The following ANK1 variants were observed in gnomAD, a reference collection of about 807,000 sequenced individuals.
The protein encoded by ANK1 is ankyrin-1.
In ANK1, 51 loss-of-function variants were observed where a neutral mutation model predicts 210.4. The observed-to-expected ratio is 0.24, with a 90% CI of 0.19 to 0.31. The LOEUF is 0.31. ANK1 is among the 10% of genes least tolerant of loss of function. ANK1 has a pLI of 1.00. For missense variants in ANK1, 2,051 were observed against 2,504.4 expected (o/e 0.82, Z 3.86); for synonymous variants, 967 against 1,025.9 (o/e 0.94, Z 1.10).
intron 3 of ANK1, 120 bp downstream of exon 3, chr8:41,733,851 G>T: frequency 1.2e-6 from 1 of 843,308 alleles, no homozygotes; most frequent in Non-Finnish European, 2.0e-6. Flanking sequence ...AAAAGTGATT[G>T]GAAGGATAAG....
intron 37 of ANK1, among the ~76,000 whole-genome samples, chr8:41,674,195 A>G (rs150447061): frequency 6.6e-6 from 1 of 152,224 alleles, no homozygotes; most frequent in East Asian, 1.9e-4. Context: ...TTACATCACT[A>G]GCTCCATTTA....
At chr8:41,815,000 A>G (rs1803093028) in intron 1 of ANK1, among the ~76,000 whole-genome samples, 1 of 152,164 alleles carries the variant, frequency 6.6e-6, no homozygotes. Flanking sequence ...CATCTGAGAA[A>G]TCCCGAAGTT....
rs1021561338 is a variant in ANK1, at chr8:41,715,952, C to T, written c.1405-103G>A. The T allele has an allele frequency of 4.4e-6, 6 of 1,370,132 alleles. No homozygotes were observed. In the Admixed American group the frequency reaches 1.2e-4, roughly 26 times the overall value. 84.9% of individuals were successfully genotyped at this position (1,370,132 alleles called of 1,614,324 possible). On this transcript the variant is annotated intron_variant, in intron 13 of 42. Coordinates refer to ENST00000289734, the MANE Select transcript of ANK1 (RefSeq NM_000037.4). ...GGCAGGGCCCAGAGAGGGCAAGTGA[C>T]CTTCTCAAGGTCACACAGCTAAGAA... is the stretch of plus-strand genomic sequence containing the variant.
intron 20 of ANK1, among the ~76,000 whole-genome samples, chr8:41,702,633 T>C (rs1823176751): frequency 6.6e-6 from 1 of 152,214 alleles, no homozygotes. Context: ...AAATCACAAA[T>C]CACCAGAAAT....
intron 16 of ANK1, among the ~76,000 whole-genome samples, chr8:41,710,845 G>A (rs1347755406): frequency 6.6e-6 from 1 of 152,248 alleles, no homozygotes; most frequent in East Asian, 1.9e-4. Flanking sequence ...GGCTGGCCAA[G>A]GCAGTCAAAG....
chr8:41,714,250 C>T lies in ANK1; in HGVS notation c.1706G>A (p.Gly569Asp). Residue 569 changes from glycine to aspartate, a missense_variant, in exon 16 of 43, where the codon GGC (glycine) becomes GAC (aspartate). Around this residue, in one of 6 missense-constraint regions of ANK1, gnomAD observed 1,413 missense variants for 1,707.4 expected, o/e 0.83. Coordinates refer to ENST00000289734, the MANE Select transcript of ANK1 (RefSeq NM_000037.4). ...DAHPNAAGKN[G>D]LTPLHVAVHH... ...GACGGCCACGTGCAGGGGGGTCAGG[C>T]CATTCTGCAGGGGACAAAGACAAAA... The T allele has an allele frequency of 6.4e-7, 1 of 1,554,694 alleles. No homozygotes were observed.
intron 1 of ANK1, among the ~76,000 whole-genome samples, chr8:41,878,926 G>A (rs1405241461): frequency 2.0e-5 from 3 of 152,136 alleles, no homozygotes; most frequent in Non-Finnish European, 4.4e-5. Context: ...AGCCAGGCAT[G>A]GTGGTAGACG....
Position 41,719,664 on chromosome 8 carries a change from G to A in ANK1, c.1104C>T (p.Ala368=). Residue 368 remains alanine (A), a synonymous_variant, in exon 10 of 43, where the codon GCC becomes GCT. Coordinates refer to ENST00000289734, the MANE Select transcript of ANK1 (RefSeq NM_000037.4). ...CTCCAGCAGCACCCCCACTCACCAG[G>A]GCTCTGGAGTTGGGTTTGGCCCCTT... is the stretch of plus-strand genomic sequence containing the variant. The part of the protein sequence containing the change: ...LDKGAKPNSR[A]LNGFTPLHIA... 1 of 1,614,188 alleles carries A rather than the reference G, an allele frequency of 6.2e-7. No individual in the cohort carries two copies. Among genetic ancestry groups the A allele is most frequent in the Non-Finnish European group, 8.5e-7 (1 of 1,180,048 alleles).
At chr8:41,761,886 C>T (rs1033376102) in intron 1 of ANK1, among the ~76,000 whole-genome samples, 1 of 152,060 alleles carries the variant, frequency 6.6e-6, no homozygotes, top group African/African-American at 2.4e-5. Context: ...CCAGCCCCCA[C>T]CCACAACCCC....
At chr8:41,691,011 T>G (rs13268584) in intron 31 of ANK1, among the ~76,000 whole-genome samples, 2,234 of 152,284 alleles carry the variant, frequency 0.015, 34 homozygotes, top group Non-Finnish European at 0.023. Flanking sequence ...TTGCTTAAGT[T>G]CAGGAGTTTG....
At chr8:41,836,938 A>C (rs910107905) in intron 1 of ANK1, among the ~76,000 whole-genome samples, 21 of 151,832 alleles carry the variant, frequency 1.4e-4, no homozygotes, top group African/African-American at 5.1e-4. Flanking sequence ...AAAAAAAAAA[A>C]AACAAAAGGA....
intron 1 of ANK1, among the ~76,000 whole-genome samples, chr8:41,886,559 C>T (rs565658442): frequency 6.6e-6 from 1 of 152,324 alleles, no homozygotes; most frequent in East Asian, 1.9e-4. Context: ...GACAGGGGAG[C>T]CCAACCTCAT....
At chr8:41,670,640 C>T (rs1451096819) in intron 38 of ANK1, among the ~76,000 whole-genome samples, 1 of 152,182 alleles carries the variant, frequency 6.6e-6, no homozygotes, top group Non-Finnish European at 1.5e-5. Context: ...CTTTCCCTTC[C>T]TGTTAGGGTA....
chr8:41,838,331 T>C (rs529598922), intron 1 of ANK1, among the ~76,000 whole-genome samples: 26 of 152,360 alleles, frequency 1.7e-4, no homozygotes, highest in African/African-American at 5.8e-4. Flanking sequence ...GTTTCCACGC[T>C]GTAGGACCTG....
Position 41,688,389 on chromosome 8 carries a change from C to G in ANK1, c.4183+122G>C. 5 of 1,443,998 alleles carry G rather than the reference C, an allele frequency of 3.5e-6. No homozygotes were observed. In the South Asian group the frequency reaches 5.7e-5, roughly 17 times the overall value. The allele number at this position is 1,443,998 out of a possible 1,614,324, so 89.4% of individuals were successfully genotyped here. A position where few individuals can be genotyped will look rare whatever the true frequency, so the allele number is the denominator to read the frequency against. ...AAGACCCGAGTCAGCTCTGCAGCTG[C>G]TTTTGGAACTGGCTGAGCGAGCGGC... On this transcript the variant is annotated intron_variant, in intron 34 of 42. Transcript: ENST00000289734.
rs377333429 is a variant in ANK1, at chr8:41,696,723, G to A, written c.2688C>T (p.Thr896=). The stretch of plus-strand genomic sequence containing the variant: ...CCGGGCTGATGTTGTCTGAGGTCTC[G>A]GTGGCCGGGCTGCTGGGGATGAGGG... ...EDSLIPSSPA[T]ETSDNISPVA... is the part of the protein sequence containing the mutation. Residue 896 remains threonine (T), a synonymous_variant, in exon 25 of 43, where the codon ACC becomes ACT. Coordinates refer to ENST00000289734, the MANE Select transcript of ANK1 (RefSeq NM_000037.4). 1.9e-5 allele frequency: 30 copies of A among 1,602,336 alleles called. No homozygotes were observed. Among genetic ancestry groups the A allele is most frequent in the African/African-American group, 9.3e-5 (7 of 74,882 alleles).
chr8:41,821,829 CCTGAGGT>C (rs1247550237), intron 1 of ANK1, among the ~76,000 whole-genome samples: 4 of 152,072 alleles, frequency 2.6e-5, no homozygotes, highest in Non-Finnish European at 5.9e-5. Flanking sequence ...GAGTGGATCA[CCTGAGGT>C]CAGGAGTTGG....
chr8:41,746,024 G>A (rs1836024648), intron 2 of ANK1, among the ~76,000 whole-genome samples: 2 of 152,308 alleles, frequency 1.3e-5, no homozygotes, highest in African/African-American at 2.4e-5. Context: ...GAACTGTGAG[G>A]CACGACCTTT....
chr8:41,771,091 A>G (rs1003208796), intron 1 of ANK1, among the ~76,000 whole-genome samples: 3 of 152,196 alleles, frequency 2.0e-5, no homozygotes, highest in African/African-American at 7.2e-5. Flanking sequence ...TGTCCCCAAC[A>G]CTTCCATGAG....
Sources: gnomAD v4.1 joint callset for allele counts (sites outside exome capture counted in the v4.1 genomes callset) on GRCh38, gnomAD v4.1.1 for gene constraint, gnomAD v4.1.1 regional missense constraint, MANE v1.5 for transcripts, NCBI Gene and HGNC (gene_info 2026-07-23, HGNC 2026-07-21) for gene names.